Variants in BMPR1A observed in about 807,000 individuals in gnomAD.
BMPR1A encodes the protein bone morphogenetic protein receptor type-1A.
In BMPR1A, 7 loss-of-function variants were observed where a neutral mutation model predicts 66.0. That is an observed-to-expected ratio of 0.11 (90% CI 0.06 to 0.20). BMPR1A has a LOEUF of 0.20. Among genes scored for constraint, BMPR1A ranks in the 10% least tolerant of loss-of-function variants. The pLI is 1.00. For missense variants in BMPR1A, 408 were observed against 669.1 expected, an observed-to-expected ratio of 0.61 and a Z score of 4.31; for synonymous variants, 200 against 229.7, an observed-to-expected ratio of 0.87 and a Z score of 1.17.
intron 5 of BMPR1A, among the ~76,000 whole-genome samples, chr10:86,893,208 A>G (rs373642066): frequency 2.0e-5 from 3 of 152,144 alleles, no homozygotes; most frequent in Non-Finnish European, 4.4e-5. Flanking sequence ...TGTTAAAGAT[A>G]TACTGCAAAC....
At position 86,773,854 on chromosome 10, in the gene BMPR1A, C is replaced by CTT. The variant is rs34632382; in HGVS notation, c.-268+16949_-268+16950dup. ...TTAGCTGTACAGCATGTATTTCATT[C>CTT]TTTTTTTTTTTTTTTGAGACAGAGT... is the stretch of plus-strand genomic sequence containing the variant. On this transcript the variant is annotated intron_variant, in intron 1 of 12. Coordinates refer to ENST00000372037, the MANE Select transcript of BMPR1A (RefSeq NM_004329.3). Among the ~76,000 whole-genome samples, 98 of 142,134 alleles carry CTT rather than the reference C, an allele frequency of 6.9e-4. 2 individuals carry two copies. Among genetic ancestry groups the CTT allele is most frequent in the East Asian group, 1.8e-3 (9 of 4,932 alleles). The allele number at this position is 142,134 out of a possible 152,430, so 93.2% of individuals were successfully genotyped here. A position where few individuals can be genotyped will look rare whatever the true frequency, so the allele number is the denominator to read the frequency against.
chr10:86,762,217 G>A lies in BMPR1A; in HGVS notation c.-268+5298G>A, dbSNP rs1182679828. ...GTTGTCTTTTCTGTTCTTCACTTTTGTGGTCTCATTTCAGGCAGGTGCATA... is the reference window on the plus strand; with the variant it reads ...GTTGTCTTTTCTGTTCTTCACTTTTATGGTCTCATTTCAGGCAGGTGCATA... On this transcript the variant is annotated intron_variant, in intron 1 of 12. Transcript: ENST00000372037. Among the ~76,000 whole-genome samples the A allele has an allele frequency of 2.0e-5, 3 of 152,184 alleles. 1 individual carries two copies. Among genetic ancestry groups the A allele is most frequent in the Admixed American group, 2.0e-4 (3 of 15,284 alleles).
intron 1 of BMPR1A, among the ~76,000 whole-genome samples, chr10:86,785,903 T>C (rs571917654): frequency 6.6e-6 from 1 of 152,376 alleles, no homozygotes; most frequent in Non-Finnish European, 1.5e-5. Context: ...TCCTTAAAAC[T>C]GCACAGCAGT....
At chr10:86,790,200 T>A (rs1211883378) in intron 1 of BMPR1A, among the ~76,000 whole-genome samples, 215 of 17,358 alleles carry the variant, frequency 0.012, 23 homozygotes, top group African/African-American at 0.052. Flanking sequence ...TATATATATA[T>A]ATATATATAT....
chr10:86,791,330 A>C (rs1343619210), intron 1 of BMPR1A, among the ~76,000 whole-genome samples: 3 of 151,424 alleles, frequency 2.0e-5, no homozygotes, highest in Non-Finnish European at 4.4e-5. Flanking sequence ...CTTCTGCCTC[A>C]GCCTCTTGAG....
intron 1 of BMPR1A, among the ~76,000 whole-genome samples, chr10:86,831,918 T>G (rs1289171717): frequency 6.6e-6 from 1 of 152,228 alleles, no homozygotes; most frequent in African/African-American, 2.4e-5. Context: ...GGCACTGTAC[T>G]GTGTATCAGA....
intron 11 of BMPR1A, among the ~76,000 whole-genome samples, chr10:86,922,570 C>G (rs944827343): frequency 6.6e-6 from 1 of 152,208 alleles, no homozygotes; most frequent in African/African-American, 2.4e-5. Context: ...TGAAAGGATA[C>G]AAATCAAAAT....
rs1285497291 is a variant in BMPR1A, at chr10:86,790,185, AAAAATATATATATATAT to A, written c.-268+33268_-268+33284del. ...TCCAAAAAAAAAAAAAAAAAAAAAAAAAAATATATATATATATATATATATATATATATATATATATA... is the reference window on the plus strand; with the variant it reads ...TCCAAAAAAAAAAAAAAAAAAAAAAAATATATATATATATATATATATATA... On this transcript the variant is annotated intron_variant, in intron 1 of 12. Coordinates refer to ENST00000372037, the MANE Select transcript of BMPR1A (RefSeq NM_004329.3). 1.8e-3 allele frequency among the ~76,000 whole-genome samples: 61 copies of A among 33,974 alleles called. 5 individuals are homozygous for A. Among genetic ancestry groups the A allele is most frequent in the African/African-American group, 0.012 (51 of 4,204 alleles). 22.3% of individuals were successfully genotyped at this position (33,974 alleles called of 152,430 possible).
At chr10:86,883,649 TA>T (rs1843025284) in intron 3 of BMPR1A, among the ~76,000 whole-genome samples, 1 of 148,830 alleles carries the variant, frequency 6.7e-6, no homozygotes, top group Non-Finnish European at 1.5e-5. Context: ...CAGGCGCCTG[TA>T]TCCCAGCTAC....
intron 2 of BMPR1A, among the ~76,000 whole-genome samples, chr10:86,859,294 G>C (rs988851730): frequency 1.3e-5 from 2 of 151,848 alleles, no homozygotes; most frequent in East Asian, 1.9e-4. Flanking sequence ...TAAGACAAAG[G>C]CACCAAAGAC....
At chr10:86,862,911 TA>T (rs2133243171) in intron 2 of BMPR1A, among the ~76,000 whole-genome samples, 1 of 151,856 alleles carries the variant, frequency 6.6e-6, no homozygotes, top group African/African-American at 2.4e-5. Context: ...CAAGGAAAGA[TA>T]AATAGTGACA....
At chr10:86,862,601 A>G (rs1210686373) in intron 2 of BMPR1A, among the ~76,000 whole-genome samples, 1 of 152,132 alleles carries the variant, frequency 6.6e-6, no homozygotes, top group East Asian at 1.9e-4. Context: ...AATCCAGGCA[A>G]AGGGGTTAGT....
intron 1 of BMPR1A, among the ~76,000 whole-genome samples, chr10:86,798,791 C>A (rs1000699195): frequency 1.3e-5 from 2 of 152,170 alleles, no homozygotes; most frequent in African/African-American, 4.8e-5. Flanking sequence ...TTGCACTTAC[C>A]ATAATTACTT....
chr10:86,812,056 C>T (rs912712868), intron 1 of BMPR1A, among the ~76,000 whole-genome samples: 1 of 139,542 alleles, frequency 7.2e-6, no homozygotes, highest in Non-Finnish European at 1.5e-5. Context: ...CTCTCCAGGG[C>T]AAAAAAGAAA....
chr10:86,848,254 G>GATTTATTCTTATAAA lies in BMPR1A; in HGVS notation c.-153+9279_-153+9293dup, dbSNP rs533876462. Among the ~76,000 whole-genome samples the GATTTATTCTTATAAA allele has an allele frequency of 3.9e-3, 597 of 152,224 alleles. 1 individual carries two copies. Among genetic ancestry groups the GATTTATTCTTATAAA allele is most frequent in the African/African-American group, 0.014 (571 of 41,540 alleles). On this transcript the variant is annotated intron_variant, in intron 2 of 12. Coordinates refer to ENST00000372037, the MANE Select transcript of BMPR1A (RefSeq NM_004329.3). ...TCCATACAGTTATTCTTGATTTTCA[G>GATTTATTCTTATAAA]ATTTATTCTTATAAAATTATGCCTA...
At chr10:86,812,214 T>A (rs911665882) in intron 1 of BMPR1A, among the ~76,000 whole-genome samples, 2 of 152,192 alleles carry the variant, frequency 1.3e-5, no homozygotes, top group Non-Finnish European at 2.9e-5. Context: ...ACACCCCTAC[T>A]TCACCCCAAC....
downstream of BMPR1A, chr10:86,929,821 G>A (rs1843791302): frequency 6.6e-6 from 1 of 152,168 alleles, no homozygotes; most frequent in African/African-American, 2.4e-5. Flanking sequence ...ATTATTAACA[G>A]AGCAGACATT....
At chr10:86,912,408 A>G (rs772570994) in intron 8 of BMPR1A, 24 bp downstream of exon 8, 4 of 1,613,442 alleles carry the variant, frequency 2.5e-6, no homozygotes, top group Non-Finnish European at 3.4e-6. Flanking sequence ...TCCTATAGAC[A>G]TGAATGGTGT....
chr10:86,876,419 T>C (rs1199063745), intron 3 of BMPR1A, among the ~76,000 whole-genome samples: 1 of 152,200 alleles, frequency 6.6e-6, no homozygotes, highest in Non-Finnish European at 1.5e-5. Flanking sequence ...TAATAGGTAG[T>C]CCAGGCTGAG....
Sources: allele counts gnomAD v4.1 joint callset (sites outside exome capture counted in the v4.1 genomes callset), GRCh38; gene constraint gnomAD v4.1.1; transcripts MANE v1.5; gene names NCBI Gene and HGNC (gene_info 2026-07-23, HGNC 2026-07-21).